PCCA: variants seen among roughly 807,000 people sequenced by gnomAD.
PCCA encodes propionyl-CoA carboxylase subunit alpha.
A neutral mutation model predicts 101.3 loss-of-function variants in PCCA; 74 were observed. The ratio of observed to expected loss-of-function variants is 0.73; its 90% CI spans 0.61 to 0.89. The LOEUF is 0.89. Among genes scored for constraint, PCCA ranks in the 40% least tolerant of loss-of-function variants. PCCA has a pLI of 0.00. For synonymous variants in PCCA, 294 were observed against 313.6 expected (o/e 0.94, Z 0.66); for missense variants, 891 against 907.0 (o/e 0.98, Z 0.23).
chr13:100,188,436 C>A (rs551348467), intron 6 of PCCA, among the ~76,000 whole-genome samples: 2 of 152,140 alleles, frequency 1.3e-5, no homozygotes, highest in South Asian at 2.1e-4. Flanking sequence ...TGTAGATATA[C>A]CAGTATTTAT....
intron 19 of PCCA, among the ~76,000 whole-genome samples, chr13:100,405,769 C>CTT (rs34906541): frequency 0.39 from 45,552 of 115,976 alleles, 10,322 homozygotes; most frequent in Middle Eastern, 0.63. Flanking sequence ...AAGTGACATT[C>CTT]TTTTTTTTTT....
intron 14 of PCCA, among the ~76,000 whole-genome samples, chr13:100,304,450 ATGG>A (rs2066303493): frequency 6.6e-6 from 1 of 152,178 alleles, no homozygotes; most frequent in African/African-American, 2.4e-5. Context: ...ATGTATCTCC[ATGG>A]TGATCACTTT....
chr13:100,461,491 T>C (rs2082161843), intron 21 of PCCA, among the ~76,000 whole-genome samples: 2 of 152,250 alleles, frequency 1.3e-5, no homozygotes, highest in African/African-American at 4.8e-5. Context: ...AGTGATGTCA[T>C]ACATTTTTGG....
At chr13:100,322,605 C>CT (rs1368132770) in intron 16 of PCCA, among the ~76,000 whole-genome samples, 2 of 150,296 alleles carry the variant, frequency 1.3e-5, no homozygotes, top group Non-Finnish European at 3.0e-5. Flanking sequence ...GGGTCTCTCT[C>CT]TGTCACCCAG....
At chr13:100,436,968 C>G (rs1218622149) in intron 20 of PCCA, among the ~76,000 whole-genome samples, 1 of 152,188 alleles carries the variant, frequency 6.6e-6, no homozygotes, top group African/African-American at 2.4e-5. Context: ...AAGGACTTGC[C>G]CACAGAGGCG....
intron 19 of PCCA, among the ~76,000 whole-genome samples, chr13:100,387,209 A>T (rs1428517297): frequency 6.6e-6 from 1 of 152,194 alleles, no homozygotes; most frequent in East Asian, 1.9e-4. Context: ...ATCTAATCTG[A>T]ATTAAGAAAT....
intron 4 of PCCA, among the ~76,000 whole-genome samples, chr13:100,145,733 A>G (rs919930334): frequency 4.0e-5 from 6 of 151,626 alleles, no homozygotes; most frequent in African/African-American, 1.5e-4. Flanking sequence ...ATGGTGACAT[A>G]CACCTGTAGT....
chr13:100,412,688 G>A (rs565422337), intron 19 of PCCA, among the ~76,000 whole-genome samples: 1 of 151,910 alleles, frequency 6.6e-6, no homozygotes, highest in African/African-American at 2.4e-5. Context: ...TTTAAACCAG[G>A]GTCTTCCTTG....
At chr13:100,182,553 A>G (rs1452459971) in intron 6 of PCCA, among the ~76,000 whole-genome samples, 3 of 152,110 alleles carry the variant, frequency 2.0e-5, no homozygotes, top group African/African-American at 4.8e-5. Flanking sequence ...GAATCCAACA[A>G]TGAGAAGATA....
chr13:100,459,759 G>A (rs549986418), intron 21 of PCCA, among the ~76,000 whole-genome samples: 3 of 152,290 alleles, frequency 2.0e-5, no homozygotes, highest in Admixed American at 6.5e-5. Context: ...ACCATTGACC[G>A]GGTGGCTTAA....
chr13:100,234,652 A>AT (rs58117858), intron 7 of PCCA, among the ~76,000 whole-genome samples: 2 of 150,700 alleles, frequency 1.3e-5, no homozygotes, highest in Non-Finnish European at 1.5e-5. Context: ...TTTAAAGAAG[A>AT]TTTTTTTTTA....
Position 100,169,527 on chromosome 13 carries a change from T to C in PCCA, c.468+12187T>C, listed in dbSNP as rs560078089. ...GGCTGAACTCATGCTTTTTATTTTT[T>C]ATTTTATTATTATTTTTTGAGACGG... On this transcript the variant is annotated intron_variant, in intron 6 of 23. Transcript: ENST00000376285. Among the ~76,000 whole-genome samples the C allele has an allele frequency of 9.7e-4, 148 of 152,190 alleles. 1 individual carries two copies. The highest frequency in any genetic ancestry group is 3.2e-3 in the African/African-American group (135 of 41,548).
At position 100,330,544 on chromosome 13, in the gene PCCA, TATC is replaced by T; in HGVS notation, c.1430-14_1430-12del. 1.4e-6 allele frequency: 2 copies of T among 1,395,648 alleles called. No homozygotes were observed. The highest frequency in any genetic ancestry group is 2.0e-6 in the Non-Finnish European group (2 of 982,770). 86.5% of individuals were successfully genotyped at this position (1,395,648 alleles called of 1,614,324 possible). On this transcript the variant is annotated splice_polypyrimidine_tract_variant and intron_variant, in intron 16 of 23. Coordinates refer to ENST00000376285, the MANE Select transcript of PCCA (RefSeq NM_000282.4). The stretch of plus-strand genomic sequence containing the variant: ...ACTGATTCATTGTTCTTCAATTTGA[TATC>T]ATTTTACTTTTAGGTGTTACACATA...
intron 7 of PCCA, among the ~76,000 whole-genome samples, chr13:100,232,998 C>A (rs1284437654): frequency 6.6e-6 from 1 of 152,090 alleles, no homozygotes; most frequent in Non-Finnish European, 1.5e-5. Context: ...TATGGATGTA[C>A]CAGTCCTTTG....
At chr13:100,310,405 G>A (rs2066817120) in intron 16 of PCCA, among the ~76,000 whole-genome samples, 1 of 152,110 alleles carries the variant, frequency 6.6e-6, no homozygotes, top group African/African-American at 2.4e-5. Flanking sequence ...TGTGGTAATT[G>A]AAATACTAGA....
chr13:100,265,784 C>T (rs1378513577), intron 10 of PCCA, among the ~76,000 whole-genome samples: 2 of 151,620 alleles, frequency 1.3e-5, no homozygotes, highest in East Asian at 3.9e-4. Context: ...GGCTAGAATT[C>T]TGGATATTTT....
In PCCA at chr13:100,340,146, AT is replaced by A; in HGVS notation, c.1541-8del. The A allele has an allele frequency of 7.1e-7, 1 of 1,402,254 alleles. No homozygotes were observed. Among genetic ancestry groups the A allele is most frequent in the Non-Finnish European group, 1.0e-6 (1 of 986,320 alleles). The allele number at this position is 1,402,254 out of a possible 1,614,324, so 86.9% of individuals were successfully genotyped here. On this transcript the variant is annotated splice_polypyrimidine_tract_variant and intron_variant, in intron 17 of 23. Transcript: ENST00000376285. ...GATTGATTGATTGATTGGTTGATTG[AT>A]TTCCCTCAGGACACATGCTAACCAA...
At chr13:100,300,131 G>T (rs971116970) in intron 12 of PCCA, among the ~76,000 whole-genome samples, 3 of 152,104 alleles carry the variant, frequency 2.0e-5, no homozygotes, top group African/African-American at 7.2e-5. Context: ...TAGAGTCTTG[G>T]TTCTTACAAA....
chr13:100,457,982 A>G (rs996535959), intron 21 of PCCA, among the ~76,000 whole-genome samples: 3 of 152,046 alleles, frequency 2.0e-5, no homozygotes, highest in African/African-American at 7.2e-5. Flanking sequence ...ACTTATTGCT[A>G]ATGCGTAGCC....
Sources: gnomAD v4.1 joint callset for allele counts (sites outside exome capture counted in the v4.1 genomes callset) on GRCh38, gnomAD v4.1.1 for gene constraint, MANE v1.5 for transcripts, NCBI Gene and HGNC (gene_info 2026-07-23, HGNC 2026-07-21) for gene names.